The following DCAF4 variants were observed in gnomAD, a reference collection of about 807,000 sequenced individuals.
The protein encoded by DCAF4 is DDB1- and CUL4-associated factor 4.
DCAF4 carries 37 observed loss-of-function variants against 60.9 expected under a neutral mutation model. The observed-to-expected ratio is 0.61, with a 90% CI of 0.47 to 0.80. The LOEUF is 0.80. Ranked by LOEUF, DCAF4 falls within the 30% of genes least tolerant of loss-of-function variation. The pLI, the probability that DCAF4 is intolerant of heterozygous loss-of-function variation, is 0.00. For synonymous variants in DCAF4, 243 were observed against 254.8 expected (o/e 0.95, Z 0.44); for missense variants, 577 against 650.0 (o/e 0.89, Z 1.22).
At chr14:72,940,589 T>TG (rs1353820453) in intron 4 of DCAF4, 3 of 273,274 alleles carry the variant, frequency 1.1e-5, no homozygotes, top group East Asian at 7.3e-5. Context: ...GTTCGATAAG[T>TG]TGTTTTTTTT....
At chr14:72,937,140 T>G (rs1051712524) in intron 1 of DCAF4, among the ~76,000 whole-genome samples, 1 of 152,154 alleles carries the variant, frequency 6.6e-6, no homozygotes, top group African/African-American at 2.4e-5. Flanking sequence ...TTTTTTTGGA[T>G]TAGAAATGGA....
chr14:72,939,924 G>A (rs1466063881), intron 3 of DCAF4, 22 bp downstream of exon 3: 2 of 1,578,248 alleles, frequency 1.3e-6, no homozygotes, highest in Non-Finnish European at 1.7e-6. Context: ...TGCGGGGTGG[G>A]AATCCTGGCC....
At chr14:72,940,590 TG>T (rs1462411850) in intron 4 of DCAF4, 7,862 of 337,458 alleles carry the variant, frequency 0.023, 225 homozygotes, top group African/African-American at 0.068. Flanking sequence ...TTCGATAAGT[TG>T]TTTTTTTTTT....
At chr14:72,950,202 G>A (rs571906226) in intron 8 of DCAF4, among the ~76,000 whole-genome samples, 83 of 152,272 alleles carry the variant, frequency 5.5e-4, no homozygotes, top group Middle Eastern at 3.4e-3. Flanking sequence ...ATAGACGGAC[G>A]AGAGCAAGTC....
intron 5 of DCAF4, chr14:72,942,273 G>T (rs1480869350): frequency 6.3e-6 from 1 of 158,286 alleles, no homozygotes; most frequent in Non-Finnish European, 1.4e-5. Context: ...GAAATAGGCC[G>T]ATACTTTCCC....
At chr14:72,946,159 T>C in intron 7 of DCAF4, 132 bp downstream of exon 7, 2 of 1,202,334 alleles carry the variant, frequency 1.7e-6, no homozygotes, top group Non-Finnish European at 2.3e-6. Flanking sequence ...GACTTGATTT[T>C]TTACTTGAGC....
At chr14:72,930,337 C>T (rs1888392587) in intron 1 of DCAF4, among the ~76,000 whole-genome samples, 1 of 151,678 alleles carries the variant, frequency 6.6e-6, no homozygotes, top group Admixed American at 6.6e-5. Flanking sequence ...GGCACCATCT[C>T]GGCTCACTGC....
chr14:72,928,451 T>C (rs1380123965), intron 1 of DCAF4, among the ~76,000 whole-genome samples: 5 of 151,538 alleles, frequency 3.3e-5, no homozygotes, highest in Admixed American at 3.3e-4. Context: ...CGCCTCGGCC[T>C]CCCAAAGTGC....
intron 9 of DCAF4, among the ~76,000 whole-genome samples, chr14:72,952,399 T>C (rs543428925): frequency 5.3e-5 from 8 of 152,286 alleles, no homozygotes; most frequent in African/African-American, 1.4e-4. Context: ...GTTGAACCTC[T>C]CTAAAGTGGA....
intron 1 of DCAF4, among the ~76,000 whole-genome samples, chr14:72,937,582 G>A (rs28393070): frequency 0.27 from 40,746 of 151,522 alleles, 5,901 homozygotes; most frequent in Non-Finnish European, 0.31. Context: ...TACAACTCCC[G>A]GCTAATTTTT....
At position 72,931,737 on chromosome 14, in the gene DCAF4, A is replaced by C. The variant is rs369765405; in HGVS notation, c.-9+5194A>C. 1.1e-4 allele frequency among the ~76,000 whole-genome samples: 17 copies of C among 152,186 alleles called. No homozygotes were observed. The East Asian group carries it at 2.1e-3, about 19-fold the overall frequency. ...TGTTGAATGTTTTTTTAATCATGAG[A>C]GGATGTTGCATTTTGTCCAGTGCTT... On this transcript the variant is annotated intron_variant, in intron 1 of 13. Transcript: ENST00000358377.
intron 6 of DCAF4, among the ~76,000 whole-genome samples, chr14:72,944,328 A>G (rs890117079): frequency 1.2e-4 from 18 of 152,194 alleles, no homozygotes; most frequent in Non-Finnish European, 2.6e-4. Flanking sequence ...CTGGGAACAT[A>G]ACTTCTTCCT....
intron 1 of DCAF4, among the ~76,000 whole-genome samples, chr14:72,931,263 CTTTTTT>C (rs370127536): frequency 7.9e-6 from 1 of 126,800 alleles, no homozygotes; most frequent in Non-Finnish European, 1.6e-5. Flanking sequence ...TACTTTTTCT[CTTTTTT>C]TTTTTTTTTT....
intron 1 of DCAF4, among the ~76,000 whole-genome samples, chr14:72,933,027 C>T (rs967730978): frequency 3.2e-4 from 48 of 152,328 alleles, no homozygotes; most frequent in African/African-American, 1.2e-3. Context: ...GCATCAGCCA[C>T]TGCACCCAGC....
At chr14:72,943,729 C>G (rs1459894612) in intron 6 of DCAF4, among the ~76,000 whole-genome samples, 2 of 152,136 alleles carry the variant, frequency 1.3e-5, no homozygotes, top group Admixed American at 1.3e-4. Context: ...TTCGATGGAC[C>G]ACGTAAGAGC....
chr14:72,944,309 A>T (rs994927562), intron 6 of DCAF4, among the ~76,000 whole-genome samples: 1 of 152,208 alleles, frequency 6.6e-6, no homozygotes, highest in Admixed American at 6.5e-5. Flanking sequence ...TCTAGTCTCA[A>T]TGATTCTTCT....
chr14:72,953,729 AAAAAT>A (rs1162614358), intron 9 of DCAF4, among the ~76,000 whole-genome samples: 12 of 40,782 alleles, frequency 2.9e-4, no homozygotes, highest in South Asian at 8.3e-4. Flanking sequence ...AAAAAAAAAA[AAAAAT>A]ATATATATAT....
chr14:72,947,929 T>C (rs970837489), intron 8 of DCAF4, among the ~76,000 whole-genome samples: 1 of 152,142 alleles, frequency 6.6e-6, no homozygotes, highest in Non-Finnish European at 1.5e-5. Context: ...GCACAAGACT[T>C]GACTCACCCA....
downstream of DCAF4, chr14:72,962,037 T>A (rs1273984030): frequency 3.7e-6 from 4 of 1,074,552 alleles, no homozygotes; most frequent in Non-Finnish European, 4.6e-6. Context: ...CCTGAATTTC[T>A]AAGACAGATG....
Sources: allele counts gnomAD v4.1 joint callset (sites outside exome capture counted in the v4.1 genomes callset), GRCh38; gene constraint gnomAD v4.1.1; transcripts MANE v1.5; gene names NCBI Gene and HGNC (gene_info 2026-07-23, HGNC 2026-07-21).